SMARCC1: variants seen among roughly 807,000 people sequenced by gnomAD.
The protein encoded by SMARCC1 is SWI/SNF complex subunit SMARCC1.
In SMARCC1, 43 loss-of-function variants were observed where a neutral mutation model predicts 147.4. The observed-to-expected ratio is 0.29, with a 90% CI of 0.23 to 0.38. The LOEUF (loss-of-function observed/expected upper bound fraction) is 0.38, where lower values mean the gene tolerates loss of function less well. SMARCC1 is among the 10% of genes least tolerant of loss of function. The pLI, the probability that SMARCC1 is intolerant of heterozygous loss-of-function variation, is 1.00. For synonymous variants in SMARCC1, 495 were observed against 484.4 expected (o/e 1.02, Z -0.29); for missense variants, 1,119 against 1,381.1 (o/e 0.81, Z 3.01).
chr3:47,773,001 T>C, intron 1 of SMARCC1, 65 bp from the exon 2 acceptor site: 1 of 1,502,450 alleles, frequency 6.7e-7, no homozygotes, highest in Admixed American at 1.7e-5. Flanking sequence ...GTTGGCTTAC[T>C]TCCTAGTACC....
intron 18 of SMARCC1, among the ~76,000 whole-genome samples, chr3:47,671,451 G>C (rs1390832337): frequency 6.6e-6 from 1 of 152,032 alleles, no homozygotes; most frequent in African/African-American, 2.4e-5. Context: ...ACACTGACAG[G>C]TTCTTGATTC....
chr3:47,774,262 G>T (rs2034948720), intron 1 of SMARCC1, among the ~76,000 whole-genome samples: 2 of 148,024 alleles, frequency 1.4e-5, no homozygotes, highest in Admixed American at 6.7e-5. Context: ...TTTGAGATGG[G>T]GTCTTCTTCC....
At chr3:47,593,127 G>A (rs1176931556) in intron 26 of SMARCC1, among the ~76,000 whole-genome samples, 10 of 143,176 alleles carry the variant, frequency 7.0e-5, no homozygotes, top group African/African-American at 1.8e-4. Context: ...GCACCTGGCC[G>A]TAGTCTTGGT....
At chr3:47,637,437 C>T (rs1478784997) in intron 22 of SMARCC1, among the ~76,000 whole-genome samples, 1 of 152,244 alleles carries the variant, frequency 6.6e-6, no homozygotes, top group Non-Finnish European at 1.5e-5. Context: ...AGAGGCTGGG[C>T]GTGGTGGCTC....
Position 47,635,307 on chromosome 3 carries a change from A to G in SMARCC1, c.2529T>C (p.Asp843=), listed in dbSNP as rs986532102. 3.7e-6 allele frequency: 6 copies of G among 1,612,728 alleles called. No individual in the cohort carries two copies. Among genetic ancestry groups the G allele is most frequent in the Admixed American group, 1.7e-5 (1 of 59,996 alleles). ...TATCACTTTCTCTTTCTTTACATGT[A>G]TCAGTGAGTTCTTTGTTCTCTTCAG... The part of the protein sequence containing the change: ...KETEENKELT[D]TCKERESDTG... The change falls in exon 24 of 28, where the codon GAT becomes GAC. Residue 843 remains aspartate, a synonymous_variant. Coordinates refer to ENST00000254480, the MANE Select transcript of SMARCC1 (RefSeq NM_003074.4).
intron 21 of SMARCC1, among the ~76,000 whole-genome samples, chr3:47,650,298 A>AATAATTATTATT (rs770226262): frequency 1.4e-5 from 2 of 141,068 alleles, no homozygotes; most frequent in Non-Finnish European, 3.1e-5. Context: ...TAATAATAAT[A>AATAATTATTATT]ATTATTATTA....
chr3:47,738,193 G>C, intron 3 of SMARCC1, 83 bp from the exon 4 acceptor site: 2 of 802,384 alleles, frequency 2.5e-6, no homozygotes, highest in South Asian at 1.8e-5. Context: ...CGATGCAAAT[G>C]AGTTAGAAAG....
At chr3:47,706,856 G>GA (rs2034000229) in intron 9 of SMARCC1, among the ~76,000 whole-genome samples, 1 of 152,058 alleles carries the variant, frequency 6.6e-6, no homozygotes, top group African/African-American at 2.4e-5. Context: ...ATAACTACTG[G>GA]AAAAATGTGA....
At position 47,713,968 on chromosome 3, in the gene SMARCC1, A is replaced by T. The variant is rs555003457; in HGVS notation, c.792+447T>A. Among the ~76,000 whole-genome samples, 5 of 152,356 alleles carry T rather than the reference A, an allele frequency of 3.3e-5. No homozygotes were observed. In the South Asian group the frequency reaches 1.0e-3, roughly 32 times the overall value. Reference sequence around the variant, plus strand: ...TAGATAATAAAGTCTTCATGGCCGTACGTATCTTGTAAATGGATGACAGGA... The same window carrying T: ...TAGATAATAAAGTCTTCATGGCCGTTCGTATCTTGTAAATGGATGACAGGA... On this transcript the variant is annotated intron_variant, in intron 8 of 27. Transcript: ENST00000254480.
chr3:47,702,053 G>A (rs2033924799), intron 10 of SMARCC1, among the ~76,000 whole-genome samples: 1 of 152,042 alleles, frequency 6.6e-6, no homozygotes, highest in Non-Finnish European at 1.5e-5. Flanking sequence ...TCACATATGT[G>A]ATCAAAGATA....
intron 21 of SMARCC1, among the ~76,000 whole-genome samples, chr3:47,659,161 T>A (rs2033304088): frequency 7.2e-6 from 1 of 139,662 alleles, no homozygotes; most frequent in African/African-American, 2.7e-5. Flanking sequence ...GAATCAGTAA[T>A]CAAGAAAGTA....
intron 26 of SMARCC1, among the ~76,000 whole-genome samples, chr3:47,597,451 C>A (rs908192553): frequency 6.6e-6 from 1 of 152,082 alleles, no homozygotes; most frequent in Non-Finnish European, 1.5e-5. Flanking sequence ...CGCAGCCTCC[C>A]GAGTAGCTAG....
At chr3:47,678,398 T>A in intron 15 of SMARCC1, 87 bp from the exon 16 acceptor site, 1 of 572,792 alleles carries the variant, frequency 1.7e-6, no homozygotes, top group East Asian at 3.0e-5. Context: ...TTCAGATTCC[T>A]TAAAAATACA....
chr3:47,623,508 T>C (rs980609098), intron 24 of SMARCC1, among the ~76,000 whole-genome samples: 2 of 152,120 alleles, frequency 1.3e-5, no homozygotes, highest in Non-Finnish European at 2.9e-5. Context: ...TGGAGACCCA[T>C]TTGCAAAAAG....
At chr3:47,764,161 C>T (rs557230235) in intron 2 of SMARCC1, among the ~76,000 whole-genome samples, 22 of 152,186 alleles carry the variant, frequency 1.4e-4, no homozygotes, top group African/African-American at 5.1e-4. Context: ...GGTCAGCTCC[C>T]AAGTAGTTGG....
rs1559661154 is a variant in SMARCC1 at position 47,745,937 on chromosome 3, A to G, written c.372T>C (p.Ala124=). 1.9e-6 allele frequency: 3 copies of G among 1,582,884 alleles called. No homozygotes were observed. Among genetic ancestry groups the G allele is most frequent in the Non-Finnish European group, 1.7e-6 (2 of 1,170,194 alleles). Reference sequence around the variant, plus strand: ...CCTGTTCATTTTTATACTTGTAAGCAGCCCCAAGAATGTGACATAAGGCGC... The same window carrying G: ...CCTGTTCATTTTTATACTTGTAAGCGGCCCCAAGAATGTGACATAAGGCGC... The part of the protein sequence containing the change: ...AGGALCHILG[A]AYKYKNEQGW... The change falls in exon 3 of 28, where the codon GCT becomes GCC. Residue 124 remains alanine (A), a synonymous_variant. Coordinates refer to ENST00000254480, the MANE Select transcript of SMARCC1 (RefSeq NM_003074.4).
chr3:47,732,770 G>A (rs956815644), intron 5 of SMARCC1, among the ~76,000 whole-genome samples: 1 of 152,092 alleles, frequency 6.6e-6, no homozygotes, highest in African/African-American at 2.4e-5. Context: ...AATTAAAATA[G>A]TATCAAATAG....
At chr3:47,632,380 C>T (rs933329422) in intron 24 of SMARCC1, among the ~76,000 whole-genome samples, 2 of 152,054 alleles carry the variant, frequency 1.3e-5, no homozygotes, top group Non-Finnish European at 2.9e-5. Flanking sequence ...AAATGTGATC[C>T]TCCTGCCTTG....
At chr3:47,617,543 T>G (rs2032663809) in intron 25 of SMARCC1, among the ~76,000 whole-genome samples, 1 of 152,258 alleles carries the variant, frequency 6.6e-6, no homozygotes, top group Non-Finnish European at 1.5e-5. Flanking sequence ...TTACTATGTA[T>G]GTGCTAGACA....
Sources: allele counts gnomAD v4.1 joint callset (sites outside exome capture counted in the v4.1 genomes callset), GRCh38; gene constraint gnomAD v4.1.1; transcripts MANE v1.5; gene names NCBI Gene and HGNC (gene_info 2026-07-23, HGNC 2026-07-21).